PPP2R3A: variants seen among roughly 807,000 people sequenced by gnomAD.
PPP2R3A encodes serine/threonine-protein phosphatase 2A regulatory subunit B'' subunit alpha.
Under a neutral mutation model 106.9 loss-of-function variants are expected in PPP2R3A, and 80 were observed. That is an observed-to-expected ratio of 0.75 (90% CI 0.62 to 0.90). The LOEUF (loss-of-function observed/expected upper bound fraction) is 0.90, where lower values mean the gene tolerates loss of function less well. Ranked by LOEUF, PPP2R3A falls within the 40% of genes least tolerant of loss-of-function variation. The pLI is 0.00. For missense variants in PPP2R3A, 1,386 were observed against 1,350.4 expected (o/e 1.03, Z -0.41); for synonymous variants, 483 against 468.3 (o/e 1.03, Z -0.41).
chr3:136,044,562 C>A (rs1388999897), intron 4 of PPP2R3A, among the ~76,000 whole-genome samples: 1 of 128,816 alleles, frequency 7.8e-6, no homozygotes, highest in African/African-American at 2.9e-5. Context: ...CAGAATGAGA[C>A]CCTGTCTCAA....
chr3:136,088,409 T>TTGC (rs1191638804), intron 9 of PPP2R3A, among the ~76,000 whole-genome samples: 2 of 152,248 alleles, frequency 1.3e-5, no homozygotes, highest in African/African-American at 4.8e-5. Context: ...TGCCTCCATG[T>TTGC]TGCTGCAGGG....
intron 13 of PPP2R3A, among the ~76,000 whole-genome samples, chr3:136,139,867 G>A (rs1187097639): frequency 6.7e-6 from 1 of 150,370 alleles, no homozygotes; most frequent in Non-Finnish European, 1.5e-5. Context: ...TTAGCTAGGT[G>A]TGGTGGTGCA....
chr3:135,982,953 T>G (rs1320304440), intron 1 of PPP2R3A, among the ~76,000 whole-genome samples: 1 of 152,190 alleles, frequency 6.6e-6, no homozygotes, highest in African/African-American at 2.4e-5. Flanking sequence ...CCTGCATTTG[T>G]CTTACAGACA....
chr3:136,055,938 C>G lies in PPP2R3A; in HGVS notation c.2469+6577C>G, dbSNP rs1227880027. Among the ~76,000 whole-genome samples the G allele has an allele frequency of 2.0e-5, 3 of 152,246 alleles. No homozygotes were observed. In the South Asian group the frequency reaches 6.2e-4, roughly 31 times the overall value. ...AGTGATTTCAGGGTGTGGGGAGTAA[C>G]TTTACAGTGGAGGAGCCTGACAGAT... On this transcript the variant is annotated intron_variant, in intron 5 of 13. Transcript: ENST00000264977.
At chr3:135,994,881 A>C (rs1320467963) in intron 1 of PPP2R3A, among the ~76,000 whole-genome samples, 1 of 152,186 alleles carries the variant, frequency 6.6e-6, no homozygotes, top group African/African-American at 2.4e-5. Context: ...TCAAAAATCC[A>C]GTTCCTCTCC....
chr3:136,116,978 A>G (rs112703417), intron 13 of PPP2R3A, among the ~76,000 whole-genome samples: 5,020 of 152,282 alleles, frequency 0.033, 302 homozygotes, highest in African/African-American at 0.11. Flanking sequence ...AATTGACCAC[A>G]TAATTGGAAG....
At chr3:136,099,560 A>T (rs570782107) in intron 10 of PPP2R3A, among the ~76,000 whole-genome samples, 1 of 152,200 alleles carries the variant, frequency 6.6e-6, no homozygotes, top group Admixed American at 6.5e-5. Flanking sequence ...TAGCAGAAAT[A>T]AAAAAACAAT....
chr3:135,990,573 T>C (rs1235414336), intron 1 of PPP2R3A, among the ~76,000 whole-genome samples: 2 of 152,214 alleles, frequency 1.3e-5, no homozygotes, highest in East Asian at 3.8e-4. Context: ...AAATCCGTAC[T>C]TAATAAAAAT....
chr3:136,112,973 A>G (rs1937618480), intron 13 of PPP2R3A, among the ~76,000 whole-genome samples: 1 of 152,086 alleles, frequency 6.6e-6, no homozygotes, highest in African/African-American at 2.4e-5. Flanking sequence ...TCTCTACTAA[A>G]ACTACAAAAA....
At chr3:135,976,760 T>G (rs1010095252) in intron 1 of PPP2R3A, among the ~76,000 whole-genome samples, 2 of 152,186 alleles carry the variant, frequency 1.3e-5, no homozygotes, top group Non-Finnish European at 2.9e-5. Context: ...CTTTAATACT[T>G]CTTTTCTGCC....
intron 2 of PPP2R3A, among the ~76,000 whole-genome samples, chr3:136,010,279 G>A (rs1488723351): frequency 7.5e-6 from 1 of 132,464 alleles, no homozygotes; most frequent in Admixed American, 7.9e-5. Flanking sequence ...TTTTTTTTGA[G>A]GTGGAGTCTC....
At chr3:136,009,565 T>G (rs1170792566) in intron 2 of PPP2R3A, among the ~76,000 whole-genome samples, 3 of 152,142 alleles carry the variant, frequency 2.0e-5, no homozygotes, top group African/African-American at 7.2e-5. Flanking sequence ...TGGCCTTATG[T>G]TTATGTCAGT....
intron 1 of PPP2R3A, among the ~76,000 whole-genome samples, chr3:135,974,386 TA>T (rs1164144666): frequency 6.6e-6 from 1 of 152,218 alleles, no homozygotes; most frequent in Non-Finnish European, 1.5e-5. Flanking sequence ...TTTCCTTGCT[TA>T]TGTCCTTCTC....
intron 1 of PPP2R3A, among the ~76,000 whole-genome samples, chr3:135,981,985 G>A (rs908487796): frequency 6.6e-6 from 1 of 151,772 alleles, no homozygotes; most frequent in African/African-American, 2.4e-5. Flanking sequence ...CAGAATGACT[G>A]GAGTTTGGAG....
intron 1 of PPP2R3A, among the ~76,000 whole-genome samples, chr3:135,989,003 C>T (rs1302734225): frequency 2.6e-5 from 4 of 151,992 alleles, no homozygotes; most frequent in Non-Finnish European, 5.9e-5. Context: ...TTTTTCCCTT[C>T]GTGGTTAACA....
chr3:135,967,315 T>G lies in PPP2R3A; in HGVS notation c.-441+1466T>G, dbSNP rs72979696. On this transcript the variant is annotated intron_variant, in intron 1 of 13. Coordinates refer to ENST00000264977, the MANE Select transcript of PPP2R3A (RefSeq NM_002718.5). ...GTGTTACTGGGGCCAATCTGGCTGT[T>G]GAGTTCAAAAATAGCTTTATGCACT... 6.9e-3 allele frequency among the ~76,000 whole-genome samples: 1,050 copies of G among 152,344 alleles called. 9 individuals are homozygous for G. Among genetic ancestry groups the G allele is most frequent in the African/African-American group, 0.023 (945 of 41,572 alleles).
intron 4 of PPP2R3A, among the ~76,000 whole-genome samples, chr3:136,043,185 C>A (rs541441527): frequency 6.6e-6 from 1 of 151,754 alleles, no homozygotes; most frequent in East Asian, 1.9e-4. Flanking sequence ...AATGGCCGGG[C>A]GTGGTGGCTC....
intron 5 of PPP2R3A, among the ~76,000 whole-genome samples, chr3:136,058,946 A>G (rs1342374827): frequency 1.3e-5 from 2 of 152,224 alleles, no homozygotes; most frequent in Admixed American, 6.5e-5. Flanking sequence ...CCACATGCAG[A>G]TTAAAACTAG....
At chr3:136,108,201 A>G (rs1937545953) in intron 13 of PPP2R3A, among the ~76,000 whole-genome samples, 1 of 152,126 alleles carries the variant, frequency 6.6e-6, no homozygotes, top group East Asian at 1.9e-4. Context: ...CTGCAGAGCT[A>G]GCTAGACCCT....
Sources: allele counts gnomAD v4.1 joint callset (sites outside exome capture counted in the v4.1 genomes callset), GRCh38; gene constraint gnomAD v4.1.1; transcripts MANE v1.5; gene names NCBI Gene and HGNC (gene_info 2026-07-23, HGNC 2026-07-21).